The following SELPLG variants were observed in gnomAD, a reference collection of about 807,000 sequenced individuals.
The protein encoded by SELPLG is selectin P ligand, also known as P-selectin glycoprotein ligand 1.
Under a neutral mutation model 1.1 loss-of-function variants are expected in SELPLG, and 2 were observed. The observed-to-expected ratio is 1.82, with a 90% confidence interval of 0.74 to 5.71. The LOEUF is 5.71. Ranked by LOEUF, SELPLG falls within the 30% of genes most tolerant of loss-of-function variation. SELPLG has a pLI of 0.05. For synonymous variants in SELPLG, 230 were observed against 221.2 expected, an observed-to-expected ratio of 1.04 and a Z score of -0.35; for missense variants, 478 against 524.7, an observed-to-expected ratio of 0.91 and a Z score of 0.87.
At chr12:108,632,603 C>G (rs993920565) in intron 1 of SELPLG, among the ~76,000 whole-genome samples, 2 of 152,062 alleles carry the variant, frequency 1.3e-5, no homozygotes, top group Non-Finnish European at 2.9e-5. Flanking sequence ...CGACCTCCCC[C>G]TCCCAGGTTC....
Position 108,623,389 on chromosome 12 carries a change from A to G in SELPLG, c.919T>C (p.Tyr307His), listed in dbSNP as rs61762487. 436 of 1,614,246 alleles carry G rather than the reference A, an allele frequency of 2.7e-4. 2 individuals carry two copies. The East Asian group carries it at 4.8e-3, about 18-fold the overall frequency. Residue 307 changes from tyrosine to histidine, a missense_variant, in exon 2 of 2, where the codon TAC becomes CAC. Transcript: ENST00000550948. ...ATGTGGTCTGGGGCCCCCACTGGGT[A>G]GTTGACGGACAAATTGCTGGCTGCC... ...PMAASNLSVN[Y>H]PVGAPDHISV...
chr12:108,631,080 A>T (rs894492643), intron 1 of SELPLG, among the ~76,000 whole-genome samples: 21 of 152,176 alleles, frequency 1.4e-4, no homozygotes, highest in African/African-American at 4.8e-4. Flanking sequence ...TCTGCAGAAG[A>T]GGACATGTGA....
intron 1 of SELPLG, among the ~76,000 whole-genome samples, chr12:108,627,728 A>G (rs969333943): frequency 1.3e-5 from 2 of 152,238 alleles, no homozygotes; most frequent in Non-Finnish European, 2.9e-5. Flanking sequence ...ACTTGAGCCC[A>G]TGAGTTCAAG....
At chr12:108,628,318 AACACACACACACACACACAC>A (rs57432345) in intron 1 of SELPLG, among the ~76,000 whole-genome samples, 13 of 140,206 alleles carry the variant, frequency 9.3e-5, no homozygotes, top group East Asian at 2.1e-4. Context: ...TAATAAATGT[AACACACACACACACACACAC>A]ACACACACAC....
chr12:108,624,411 A>C (rs1003030857), intron 1 of SELPLG, 99 bp from the exon 2 acceptor site: 1 of 1,154,840 alleles, frequency 8.7e-7, no homozygotes, highest in Middle Eastern at 2.5e-4. Context: ...AGCTGGAAGC[A>C]TGTCTGGTCT....
chr12:108,632,117 G>T, intron 1 of SELPLG: 1 of 600,636 alleles, frequency 1.7e-6, no homozygotes, highest in Non-Finnish European at 2.9e-6. Context: ...TCTGGGCCCA[G>T]CCTAGCAACC....
rs1218996888 is a variant in SELPLG, at chr12:108,624,981, C to T, written c.-5-669G>A. On this transcript the variant is annotated intron_variant, in intron 1 of 1. Transcript: ENST00000550948. ...CTGGGATTAGGCATGAGCCACTGCG[C>T]CCGACCTCATGTCACTCCTTCTTAA... is the stretch of plus-strand genomic sequence containing the variant. 2.6e-5 allele frequency among the ~76,000 whole-genome samples: 4 copies of T among 152,064 alleles called. No homozygotes were observed. The South Asian group carries it at 6.2e-4, about 24-fold the overall frequency.
At chr12:108,632,874 A>T (rs929597271) in intron 1 of SELPLG, among the ~76,000 whole-genome samples, 5 of 152,098 alleles carry the variant, frequency 3.3e-5, no homozygotes, top group African/African-American at 9.7e-5. Flanking sequence ...TAGTATCTTA[A>T]TTCTAATATT....
At chr12:108,624,642 T>A (rs7137098) in intron 1 of SELPLG, among the ~76,000 whole-genome samples, 80,345 of 151,340 alleles carry the variant, frequency 0.53, 22,541 homozygotes, top group Non-Finnish European at 0.62. Flanking sequence ...TGTAGAAAGA[T>A]TTAGTGCTTC....
chr12:108,630,993 C>T (rs1429003442), intron 1 of SELPLG, among the ~76,000 whole-genome samples: 1 of 152,192 alleles, frequency 6.6e-6, no homozygotes, highest in Admixed American at 6.5e-5. Flanking sequence ...CTCTGCTGCC[C>T]CCACCAGACC....
chr12:108,623,228 G>T lies in SELPLG; in HGVS notation c.1080C>A (p.Thr360=), dbSNP rs762148970. Residue 360 remains threonine, a synonymous_variant, in exon 2 of 2, where the codon ACC becomes ACA. Transcript: ENST00000550948. ...HMYPVRNYSP[T]EMVCISSLLP... ...ACAGGGATGAGATGCAGACCATCTCGGTGGGGGAGTAATTACGCACGGGGT... is the reference window on the plus strand; with the variant it reads ...ACAGGGATGAGATGCAGACCATCTCTGTGGGGGAGTAATTACGCACGGGGT... 6.2e-7 allele frequency: 1 copy of T among 1,614,100 alleles called. No individual in the cohort carries two copies. The highest frequency in any genetic ancestry group is 1.7e-5 in the Admixed American group (1 of 60,024).
rs1287824858 is a variant in SELPLG, at chr12:108,633,883, A to G, written c.-149T>C. 1.3e-5 allele frequency: 2 copies of G among 152,270 alleles called. No individual in the cohort carries two copies. The highest frequency in any genetic ancestry group is 2.9e-5 in the Non-Finnish European group (2 of 68,156). The allele number at this position is 152,270 out of a possible 1,614,324, so 9.4% of individuals were successfully genotyped here. A position where few individuals can be genotyped will look rare whatever the true frequency, so the allele number is the denominator to read the frequency against. Reference sequence around the variant, plus strand: ...CAGTCCCGGATCCGAGCAACCCCCAATGGCTGTGTGTGGAAGGAGGAAGCG... The same window carrying G: ...CAGTCCCGGATCCGAGCAACCCCCAGTGGCTGTGTGTGGAAGGAGGAAGCG... On this transcript the variant is annotated 5_prime_UTR_variant, in exon 1 of 2. Transcript: ENST00000550948.
chr12:108,622,062 AC>A lies in SELPLG; in HGVS notation c.*1006del, dbSNP rs2031832659. On this transcript the variant is annotated 3_prime_UTR_variant, in exon 2 of 2. Transcript: ENST00000550948. ...CTCCCTTTGGCCCCCCATAGCCTGA[AC>A]TTTTCCTGGTCACCCAAGGATGTAC... 6.6e-6 allele frequency among the ~76,000 whole-genome samples: 1 copy of A among 152,142 alleles called. No individual in the cohort carries two copies. Among genetic ancestry groups the A allele is most frequent in the African/African-American group, 2.4e-5 (1 of 41,428 alleles).
Position 108,622,893 on chromosome 12 carries a change from G to T in SELPLG, c.*176C>A. The T allele has an allele frequency of 1.7e-6, 1 of 581,786 alleles. No individual in the cohort carries two copies. The highest frequency in any genetic ancestry group is 2.8e-6 in the Non-Finnish European group (1 of 356,640). 36.0% of individuals were successfully genotyped at this position (581,786 alleles called of 1,614,324 possible). On this transcript the variant is annotated 3_prime_UTR_variant, in exon 2 of 2. Coordinates refer to ENST00000550948, the MANE Select transcript of SELPLG (RefSeq NM_003006.4). ...AAGAGGTGGCTCCACTTGCCCGTCT[G>T]CTTGGCCCCAGGCTGCTCTTGTCCT...
chr12:108,631,244 C>A (rs562240235), intron 1 of SELPLG, among the ~76,000 whole-genome samples: 1 of 152,154 alleles, frequency 6.6e-6, no homozygotes, highest in Admixed American at 6.6e-5. Context: ...CACTTATCAT[C>A]GCCCTTATGA....
chr12:108,629,134 G>GAGAA (rs904632470), intron 1 of SELPLG, among the ~76,000 whole-genome samples: 1 of 152,198 alleles, frequency 6.6e-6, no homozygotes, highest in African/African-American at 2.4e-5. Flanking sequence ...TTTGGGCTTT[G>GAGAA]AGAAAGCAGA....
chr12:108,622,748 T>G lies in SELPLG; in HGVS notation c.*321A>C. The G allele has an allele frequency of 6.6e-6, 2 of 302,676 alleles. No individual in the cohort carries two copies. Among genetic ancestry groups the G allele is most frequent in the Non-Finnish European group, 1.2e-5 (2 of 162,562 alleles). 18.7% of individuals were successfully genotyped at this position (302,676 alleles called of 1,614,324 possible). On this transcript the variant is annotated 3_prime_UTR_variant, in exon 2 of 2. Coordinates refer to ENST00000550948, the MANE Select transcript of SELPLG (RefSeq NM_003006.4). ...GAGAAGCGGGGAGAGCCATGGGAGA[T>G]GTTAGAGGGACCCAGAGAAGATGGG...
chr12:108,632,337 G>C (rs532877428), intron 1 of SELPLG, among the ~76,000 whole-genome samples: 2 of 152,092 alleles, frequency 1.3e-5, no homozygotes, highest in South Asian at 2.1e-4. Flanking sequence ...AGAAGAAAGA[G>C]GAAAGAGGAA....
intron 1 of SELPLG, among the ~76,000 whole-genome samples, chr12:108,633,414 T>A (rs2032095902): frequency 6.6e-6 from 1 of 152,048 alleles, no homozygotes; most frequent in Non-Finnish European, 1.5e-5. Flanking sequence ...GGTGGGAGGA[T>A]CACTTGTGCC....
Sources: gnomAD v4.1 joint callset for allele counts (sites outside exome capture counted in the v4.1 genomes callset) on GRCh38, gnomAD v4.1.1 for gene constraint, MANE v1.5 for transcripts, NCBI Gene and HGNC (gene_info 2026-07-23, HGNC 2026-07-21) for gene names.